The following CASK variants were observed in gnomAD, a reference collection of about 807,000 sequenced individuals.
CASK encodes the protein calcium/calmodulin dependent serine protein kinase.
A neutral mutation model predicts 82.9 loss-of-function variants in CASK; 4 were observed. The ratio of observed to expected loss-of-function variants is 0.05; its 90% confidence interval spans 0.02 to 0.11. CASK has a LOEUF of 0.11. CASK is among the 10% of genes least tolerant of loss of function. CASK has a pLI of 1.00. For missense variants in CASK, 358 were observed against 720.9 expected (o/e 0.50, Z 5.76); for synonymous variants, 259 against 253.5 (o/e 1.02, Z -0.20).
At chrX:41,672,000 G>T (rs184802945) in intron 5 of CASK, among the ~76,000 whole-genome samples, 23 of 111,463 alleles carry the variant, frequency 2.1e-4, no homozygotes, top group African/African-American at 5.9e-4. Context: ...TCTCCACCCT[G>T]CCCAGTCCTC....
At chrX:41,918,298 T>C (rs2072726889) in intron 1 of CASK, among the ~76,000 whole-genome samples, 2 of 112,429 alleles carry the variant, frequency 1.8e-5, no homozygotes, top group South Asian at 7.3e-4. Flanking sequence ...TGCTGAATTA[T>C]ATACTTTACG....
At chrX:41,700,307 A>G (rs748443329) in intron 5 of CASK, among the ~76,000 whole-genome samples, 1 of 111,980 alleles carries the variant, frequency 8.9e-6, no homozygotes, top group Non-Finnish European at 1.9e-5. Flanking sequence ...TTTGAACGAA[A>G]GACTTACTGA....
intron 5 of CASK, among the ~76,000 whole-genome samples, chrX:41,676,864 G>A (rs2067275034): frequency 8.9e-6 from 1 of 112,380 alleles, no homozygotes; most frequent in African/African-American, 3.2e-5. Context: ...AGGTAAAGCT[G>A]ACAGGAATTG....
chrX:41,545,460 A>T (rs2065009696), intron 21 of CASK, among the ~76,000 whole-genome samples: 1 of 112,507 alleles, frequency 8.9e-6, no homozygotes, highest in African/African-American at 3.2e-5. Context: ...TCTGTCACAC[A>T]TCAAGTGTCC....
chrX:41,872,331 G>C (rs1010014096), intron 1 of CASK, among the ~76,000 whole-genome samples: 2 of 111,701 alleles, frequency 1.8e-5, no homozygotes, highest in Admixed American at 1.9e-4. Flanking sequence ...CTTCAATTCT[G>C]CTTCAAGTGA....
intron 5 of CASK, chrX:41,675,755 G>A (rs902712081): frequency 6.9e-5 from 83 of 1,198,911 alleles, no homozygotes; most frequent in South Asian, 6.9e-4. Context: ...TTGGAAGGCC[G>A]GTTAATTTTC....
intron 18 of CASK, chrX:41,559,285 G>A (rs1358959233): frequency 8.5e-6 from 1 of 118,287 alleles, no homozygotes; most frequent in Non-Finnish European, 1.8e-5. Flanking sequence ...TTTCCCTCTA[G>A]TGAAGTCAAT....
chrX:41,582,392 T>C (rs1050411368), intron 14 of CASK, among the ~76,000 whole-genome samples: 6 of 111,872 alleles, frequency 5.4e-5, no homozygotes, highest in African/African-American at 2.0e-4. Flanking sequence ...CCCAACTCAC[T>C]GCAACCTCTG....
intron 1 of CASK, among the ~76,000 whole-genome samples, chrX:41,857,342 G>A (rs752511450): frequency 9.1e-6 from 1 of 110,305 alleles, no homozygotes; most frequent in Admixed American, 9.7e-5. Context: ...ATCCTCCTGG[G>A]GTACGGAAGG....
chrX:41,578,578 G>T, intron 14 of CASK, 50 bp from the exon 15 acceptor site: 2 of 904,804 alleles, frequency 2.2e-6, no homozygotes, highest in Non-Finnish European at 3.2e-6. Flanking sequence ...TATTTCAGCA[G>T]AAATTTATTT....
intron 8 of CASK, among the ~76,000 whole-genome samples, chrX:41,648,524 T>C (rs1052070585): frequency 6.0e-4 from 67 of 111,224 alleles, no homozygotes; most frequent in African/African-American, 2.1e-3. Flanking sequence ...AACTTGCTAG[T>C]TTTTGTGGCT....
chrX:41,667,333 C>A (rs978280690), intron 6 of CASK, among the ~76,000 whole-genome samples: 1 of 111,492 alleles, frequency 9.0e-6, no homozygotes, highest in East Asian at 2.8e-4. Context: ...CTTTAATATA[C>A]ACCAACTTCC....
In CASK at chrX:41,684,548, G is replaced by A. The variant is rs369760635; in HGVS notation, c.430-13018C>T. Reference sequence around the variant, plus strand: ...GTCTCACTTTGTCACCCAGGCTGGAGTGCAGTGGCATGATCTCTGCTCACT... The same window carrying A: ...GTCTCACTTTGTCACCCAGGCTGGAATGCAGTGGCATGATCTCTGCTCACT... On this transcript the variant is annotated intron_variant, in intron 5 of 26. Transcript: ENST00000378163. 1.4e-4 allele frequency among the ~76,000 whole-genome samples: 16 copies of A among 111,899 alleles called. No homozygotes were observed. In the East Asian group the frequency reaches 2.2e-3, roughly 16 times the overall value.
intron 2 of CASK, among the ~76,000 whole-genome samples, chrX:41,823,491 T>C (rs1395059509): frequency 4.5e-5 from 5 of 111,160 alleles, no homozygotes; most frequent in Admixed American, 3.8e-4. Context: ...CCTATATTTA[T>C]TTTCCCTGCT....
At chrX:41,881,935 C>T (rs965434690) in intron 1 of CASK, among the ~76,000 whole-genome samples, 1 of 111,171 alleles carries the variant, frequency 9.0e-6, no homozygotes, top group Non-Finnish European at 1.9e-5. Context: ...TAACCCTGGG[C>T]AAGTGGCTTA....
At chrX:41,896,587 T>C (rs5964061) in intron 1 of CASK, among the ~76,000 whole-genome samples, 1,163 of 112,160 alleles carry the variant, frequency 0.01, 15 homozygotes, top group African/African-American at 0.035. Flanking sequence ...TTTGATTCTA[T>C]TGTAGATCAG....
intron 8 of CASK, among the ~76,000 whole-genome samples, chrX:41,640,687 A>G (rs1569360292): frequency 9.0e-6 from 1 of 111,285 alleles, no homozygotes; most frequent in African/African-American, 3.3e-5. Context: ...TATCTGTTCA[A>G]ATCTTTTCTC....
At chrX:41,869,279 T>C (rs1245612959) in intron 1 of CASK, among the ~76,000 whole-genome samples, 1 of 111,637 alleles carries the variant, frequency 9.0e-6, no homozygotes, top group Admixed American at 9.5e-5. Context: ...TGTTTTGTTC[T>C]GAAAGGCTAC....
At chrX:41,818,149 G>C (rs994976755) in intron 2 of CASK, among the ~76,000 whole-genome samples, 1 of 69,109 alleles carries the variant, frequency 1.4e-5, no homozygotes, top group Non-Finnish European at 3.3e-5. Context: ...GGCCTTCTGT[G>C]TGTGTGTGTG....
Sources: allele counts gnomAD v4.1 joint callset (sites outside exome capture counted in the v4.1 genomes callset), GRCh38; gene constraint gnomAD v4.1.1; transcripts MANE v1.5; gene names NCBI Gene and HGNC (gene_info 2026-07-23, HGNC 2026-07-21).